Variants in TAFA1 observed in about 807,000 individuals in gnomAD.
TAFA1 encodes TAFA chemokine like family member 1, also known as chemokine-like protein TAFA-1.
Under a neutral mutation model 18.5 loss-of-function variants are expected in TAFA1, and 4 were observed. The ratio of observed to expected loss-of-function variants is 0.22; its 90% CI spans 0.11 to 0.49. TAFA1 has a LOEUF of 0.49. TAFA1 is among the 20% of genes least tolerant of loss of function. The probability of loss-of-function intolerance (pLI) is 0.98; values close to 1 mark genes in which losing one functional copy is unlikely to be tolerated. For missense variants in TAFA1, 147 were observed against 169.0 expected (o/e 0.87, Z 0.72); for synonymous variants, 56 against 55.2 (o/e 1.01, Z -0.06).
intron 2 of TAFA1, among the ~76,000 whole-genome samples, chr3:68,295,834 T>C (rs1192754129): frequency 6.6e-6 from 1 of 152,168 alleles, no homozygotes; most frequent in Non-Finnish European, 1.5e-5. Context: ...AGTCTCTAAC[T>C]CCTGGCCTCA....
chr3:68,113,941 G>A (rs2065296009), intron 2 of TAFA1, among the ~76,000 whole-genome samples: 2 of 115,312 alleles, frequency 1.7e-5, no homozygotes, highest in African/African-American at 3.3e-5. Flanking sequence ...GTCTCACTCC[G>A]CCAACCAGGC....
intron 2 of TAFA1, among the ~76,000 whole-genome samples, chr3:68,011,597 GTACAT>G (rs1187738345): frequency 6.6e-6 from 1 of 152,124 alleles, no homozygotes; most frequent in Non-Finnish European, 1.5e-5. Context: ...GAATACCAGA[GTACAT>G]TACAATAAAG....
At chr3:68,001,338 G>C (rs937022761), upstream of TAFA1, among the ~76,000 whole-genome samples, 2 of 152,184 alleles carry the variant, frequency 1.3e-5, no homozygotes, top group African/African-American at 2.4e-5. Context: ...GGTGAAAAAT[G>C]AGACTCCTAC....
At chr3:68,484,147 A>G (rs1208950079) in intron 3 of TAFA1, among the ~76,000 whole-genome samples, 1 of 152,258 alleles carries the variant, frequency 6.6e-6, no homozygotes, top group African/African-American at 2.4e-5. Context: ...CAATATAAAA[A>G]TTATTAACGA....
chr3:68,072,234 A>C (rs2064764120), intron 2 of TAFA1, among the ~76,000 whole-genome samples: 1 of 152,196 alleles, frequency 6.6e-6, no homozygotes, highest in Non-Finnish European at 1.5e-5. Flanking sequence ...TGGCAATGGC[A>C]GGTGGCCTCT....
intron 2 of TAFA1, among the ~76,000 whole-genome samples, chr3:68,110,910 G>A (rs2065255092): frequency 6.6e-6 from 1 of 152,120 alleles, no homozygotes; most frequent in African/African-American, 2.4e-5. Context: ...CCTGAAAGGT[G>A]GGTGGTTCCC....
intron 2 of TAFA1, among the ~76,000 whole-genome samples, chr3:68,007,400 A>C (rs1704377142): frequency 6.6e-6 from 1 of 151,998 alleles, no homozygotes; most frequent in African/African-American, 2.4e-5. Context: ...TTAATGTTCA[A>C]AGTATATTTC....
chr3:68,266,495 T>C (rs67869114), intron 2 of TAFA1, among the ~76,000 whole-genome samples: 34,767 of 152,068 alleles, frequency 0.23, 4,119 homozygotes, highest in East Asian at 0.32. Context: ...TCATGGTTTA[T>C]AAGGGTTTTC....
chr3:68,023,279 G>C (rs531899276), intron 2 of TAFA1, among the ~76,000 whole-genome samples: 12 of 152,098 alleles, frequency 7.9e-5, no homozygotes, highest in Non-Finnish European at 1.3e-4. Context: ...GTCTGCCAAG[G>C]TTGGGTGGGG....
intron 3 of TAFA1, among the ~76,000 whole-genome samples, chr3:68,491,102 G>A (rs2072444123): frequency 6.6e-6 from 1 of 152,118 alleles, no homozygotes; most frequent in South Asian, 2.1e-4. Context: ...GCCTTCTAAA[G>A]TGCTAGGATT....
chr3:68,172,304 A>G (rs1193246025), intron 2 of TAFA1, among the ~76,000 whole-genome samples: 1 of 152,200 alleles, frequency 6.6e-6, no homozygotes, highest in East Asian at 1.9e-4. Context: ...AATGCTCAAT[A>G]TCATTAATCC....
At chr3:68,410,344 G>C (rs926979963) in intron 2 of TAFA1, among the ~76,000 whole-genome samples, 1 of 152,036 alleles carries the variant, frequency 6.6e-6, no homozygotes, top group Non-Finnish European at 1.5e-5. Flanking sequence ...TTGAAGATTT[G>C]TGGCAGAAAG....
At chr3:68,414,695 A>T (rs1373526876) in intron 2 of TAFA1, among the ~76,000 whole-genome samples, 1 of 152,174 alleles carries the variant, frequency 6.6e-6, no homozygotes, top group Non-Finnish European at 1.5e-5. Context: ...CTTTGACAAC[A>T]GTGCCATGAG....
intron 2 of TAFA1, among the ~76,000 whole-genome samples, chr3:68,314,414 T>C (rs1032307274): frequency 6.6e-6 from 1 of 152,142 alleles, no homozygotes; most frequent in Non-Finnish European, 1.5e-5. Flanking sequence ...CACATAATCA[T>C]TCCTGTCACT....
intron 2 of TAFA1, among the ~76,000 whole-genome samples, chr3:68,240,842 T>C (rs2066987213): frequency 1.3e-5 from 2 of 152,188 alleles, no homozygotes. Flanking sequence ...TAAGCAGACA[T>C]ACCTCCTTTT....
intron 2 of TAFA1, among the ~76,000 whole-genome samples, chr3:68,253,474 A>G (rs907376802): frequency 2.0e-5 from 3 of 152,138 alleles, no homozygotes; most frequent in Non-Finnish European, 4.4e-5. Flanking sequence ...CTGTATAGAT[A>G]TTGTTTCTCA....
intron 2 of TAFA1, among the ~76,000 whole-genome samples, chr3:68,198,605 T>C (rs982520518): frequency 6.6e-6 from 1 of 151,596 alleles, no homozygotes; most frequent in African/African-American, 2.4e-5. Flanking sequence ...TTTTTTTAAT[T>C]TGCATTTTTC....
At chr3:68,145,893 G>T (rs2065734253) in intron 2 of TAFA1, among the ~76,000 whole-genome samples, 1 of 152,044 alleles carries the variant, frequency 6.6e-6, no homozygotes, top group South Asian at 2.1e-4. Flanking sequence ...TCTTTCAAAG[G>T]GTATAGCCTC....
chr3:68,491,328 G>T (rs1246144933), intron 3 of TAFA1, among the ~76,000 whole-genome samples: 1 of 152,032 alleles, frequency 6.6e-6, no homozygotes, highest in African/African-American at 2.4e-5. Flanking sequence ...AGAAAAGATG[G>T]CACATATACA....
Sources: allele counts gnomAD v4.1 joint callset (sites outside exome capture counted in the v4.1 genomes callset), GRCh38; gene constraint gnomAD v4.1.1; transcripts MANE v1.5; gene names NCBI Gene and HGNC (gene_info 2026-07-23, HGNC 2026-07-21).